Variants in NRIP1 observed in about 807,000 individuals in gnomAD.
The protein encoded by NRIP1 is nuclear receptor interacting protein 1, also known as nuclear receptor-interacting protein 1.
In NRIP1, 28 loss-of-function variants were observed where a neutral mutation model predicts 75.0. That is an observed-to-expected ratio of 0.37 (90% CI 0.28 to 0.51). The LOEUF (loss-of-function observed/expected upper bound fraction) is 0.51. NRIP1 is among the 20% of genes least tolerant of loss of function. NRIP1 has a pLI of 0.92. For synonymous variants in NRIP1, 526 were observed against 487.6 expected (o/e 1.08, Z -1.04); for missense variants, 1,435 against 1,343.7 (o/e 1.07, Z -1.06).
Position 15,033,496 on chromosome 21 carries a change from T to C in NRIP1, c.-458+9999A>G, listed in dbSNP as rs185846232. The stretch of plus-strand genomic sequence containing the variant: ...GTGTCAACTTCAATCCATTTACCCA[T>C]AAACACTACTTTGGCTGAAATGCAG... On this transcript the variant is annotated intron_variant, in intron 2 of 3. Coordinates refer to ENST00000318948, the MANE Select transcript of NRIP1 (RefSeq NM_003489.4). Among the ~76,000 whole-genome samples the C allele has an allele frequency of 2.1e-3, 320 of 152,256 alleles. 1 individual carries two copies. The highest frequency in any genetic ancestry group is 0.01 in the Middle Eastern group (3 of 294).
Position 15,017,999 on chromosome 21 carries a change from ATACT to A in NRIP1, c.-457-3537_-457-3534del, listed in dbSNP as rs141526615. On this transcript the variant is annotated intron_variant, in intron 2 of 3. Coordinates refer to ENST00000318948, the MANE Select transcript of NRIP1 (RefSeq NM_003489.4). ...CACAAAATAAACTACTCTAACATTA[ATACT>A]TAAAGTTTTCCTATATTAATAAGTG... 3.8e-4 allele frequency among the ~76,000 whole-genome samples: 58 copies of A among 152,352 alleles called. No homozygotes were observed. In the East Asian group the frequency reaches 0.01, roughly 27 times the overall value.
intron 3 of NRIP1, among the ~76,000 whole-genome samples, chr21:14,971,260 G>T (rs1239524512): frequency 6.6e-6 from 1 of 152,204 alleles, no homozygotes; most frequent in African/African-American, 2.4e-5. Flanking sequence ...GTTATTCAAT[G>T]ACCAAATTCC....
rs577436364 is a variant in NRIP1, at chr21:14,962,614, T to G, written c.*2102A>C. 6.6e-6 allele frequency: 1 copy of G among 152,408 alleles called. No homozygotes were observed. The highest frequency in any genetic ancestry group is 1.5e-5 in the Non-Finnish European group (1 of 67,902). 9.4% of individuals were successfully genotyped at this position (152,408 alleles called of 1,614,324 possible). On this transcript the variant is annotated 3_prime_UTR_variant, in exon 4 of 4. Transcript: ENST00000318948. The stretch of plus-strand genomic sequence containing the variant: ...AAAAATGACTTGTTTAAAAGCTTAT[T>G]TATATAGTGTTGACAATAAGATTGT...
At position 14,967,722 on chromosome 21, in the gene NRIP1, G is replaced by C. The variant is rs753440426; in HGVS notation, c.471C>G (p.Leu157=). 22 of 1,613,984 alleles carry C rather than the reference G, an allele frequency of 1.4e-5. No homozygotes were observed. The Admixed American group carries it at 3.0e-4, about 22-fold the overall frequency. The change falls in exon 4 of 4, where the codon CTC becomes CTG. Residue 157 remains leucine (L), a synonymous_variant. Coordinates refer to ENST00000318948, the MANE Select transcript of NRIP1 (RefSeq NM_003489.4). ...VALSQQIRQS[L]KEQGYALSHD... is the part of the protein sequence containing the mutation. Reference sequence around the variant, plus strand: ...GACTGAGGGCATATCCTTGCTCCTTGAGGCTCTGCCTGATTTGTTGTGACA... The same window carrying C: ...GACTGAGGGCATATCCTTGCTCCTTCAGGCTCTGCCTGATTTGTTGTGACA...
At chr21:15,057,057 A>G (rs2089322596) in intron 1 of NRIP1, among the ~76,000 whole-genome samples, 1 of 152,192 alleles carries the variant, frequency 6.6e-6, no homozygotes, top group Non-Finnish European at 1.5e-5. Flanking sequence ...CTCTGCTTCC[A>G]CTTCCTTCCA....
intron 1 of NRIP1, among the ~76,000 whole-genome samples, chr21:15,064,098 CA>C (rs1978605389): frequency 6.6e-6 from 1 of 152,238 alleles, no homozygotes; most frequent in Non-Finnish European, 1.5e-5. Flanking sequence ...GGAGAAAAGG[CA>C]GCCTCCCGGA....
intron 2 of NRIP1, among the ~76,000 whole-genome samples, chr21:15,028,467 A>T (rs1429956964): frequency 6.6e-6 from 1 of 152,198 alleles, no homozygotes; most frequent in Non-Finnish European, 1.5e-5. Flanking sequence ...GTTACAGAGG[A>T]AACAGTCATA....
intron 3 of NRIP1, among the ~76,000 whole-genome samples, chr21:14,998,003 C>T (rs950623423): frequency 6.6e-6 from 1 of 152,112 alleles, no homozygotes; most frequent in Non-Finnish European, 1.5e-5. Flanking sequence ...GACTTGTAAG[C>T]TTATAAACTT....
chr21:14,986,794 C>T (rs2087417791), intron 3 of NRIP1, among the ~76,000 whole-genome samples: 3 of 152,152 alleles, frequency 2.0e-5, no homozygotes, highest in South Asian at 4.1e-4. Context: ...AACATCTTAT[C>T]CTTCATAATA....
chr21:15,047,102 A>C (rs1222745069), intron 1 of NRIP1, among the ~76,000 whole-genome samples: 1 of 152,178 alleles, frequency 6.6e-6, no homozygotes, highest in Non-Finnish European at 1.5e-5. Flanking sequence ...TAAAGGAAAG[A>C]GGTTTCATTG....
At chr21:15,058,346 T>C (rs2089349322) in intron 1 of NRIP1, among the ~76,000 whole-genome samples, 1 of 152,208 alleles carries the variant, frequency 6.6e-6, no homozygotes, top group Admixed American at 6.5e-5. Context: ...TTATTTCCCA[T>C]TTGGAGAGTT....
Position 14,964,810 on chromosome 21 carries a change from T to C in NRIP1, c.3383A>G (p.His1128Arg), listed in dbSNP as rs1248712758. The change falls in exon 4 of 4, where the codon CAT becomes CGT. Residue 1128 changes from histidine (H) to arginine (R), a missense_variant. Coordinates refer to ENST00000318948, the MANE Select transcript of NRIP1 (RefSeq NM_003489.4). ...FFNLRSPYNSHMGNNASRPHS... is the reference protein window; with the variant it reads ...FFNLRSPYNSRMGNNASRPHS... ...TGGGCGAGAAGCATTATTTCCCATA[T>C]GGCTATTGTAAGGGCTTCTTAAATT... 5 of 1,612,686 alleles carry C rather than the reference T, an allele frequency of 3.1e-6. No homozygotes were observed. Among genetic ancestry groups the C allele is most frequent in the East Asian group, 2.2e-5 (1 of 44,876 alleles).
intron 3 of NRIP1, among the ~76,000 whole-genome samples, chr21:14,972,265 C>T (rs1052741988): frequency 1.3e-5 from 2 of 152,148 alleles, no homozygotes. Flanking sequence ...GGAGAAATCA[C>T]TAACAATCCT....
chr21:15,010,505 T>C (rs574704419), intron 3 of NRIP1, among the ~76,000 whole-genome samples: 5 of 152,264 alleles, frequency 3.3e-5, no homozygotes, highest in East Asian at 1.9e-4. Flanking sequence ...GTAAGTTATA[T>C]CAATTAAGAT....
upstream of NRIP1, among the ~76,000 whole-genome samples, chr21:15,065,465 G>C (rs1370269406): frequency 6.6e-6 from 1 of 152,136 alleles, no homozygotes; most frequent in Non-Finnish European, 1.5e-5. Context: ...CACAGCCTGG[G>C]GGCCGGGGCG....
At chr21:14,993,699 C>T (rs1004344788) in intron 3 of NRIP1, among the ~76,000 whole-genome samples, 10 of 151,856 alleles carry the variant, frequency 6.6e-5, no homozygotes. Context: ...ACGGAAGGAT[C>T]GCTTGATCCC....
intron 1 of NRIP1, among the ~76,000 whole-genome samples, chr21:15,055,518 T>C (rs777069596): frequency 5.9e-5 from 9 of 152,002 alleles, no homozygotes; most frequent in Non-Finnish European, 1.0e-4. Flanking sequence ...GAGAAGAAAA[T>C]AAGGTACTAG....
intron 3 of NRIP1, among the ~76,000 whole-genome samples, chr21:15,009,873 G>T (rs919141203): frequency 6.6e-6 from 1 of 152,092 alleles, no homozygotes; most frequent in Non-Finnish European, 1.5e-5. Context: ...ATAAAAGTGA[G>T]TTACTAAAAA....
At position 14,988,191 on chromosome 21, in the gene NRIP1, A is replaced by G. The variant is rs562921167; in HGVS notation, c.-334-19665T>C. On this transcript the variant is annotated intron_variant, in intron 3 of 3. Coordinates refer to ENST00000318948, the MANE Select transcript of NRIP1 (RefSeq NM_003489.4). ...AACTGTTCCGAGGCTCAGTTTTTTC[A>G]GCTGTAAAAGGAATAATAATAGTAT... The G allele has an allele frequency of 3.9e-5, 6 of 152,292 alleles. No homozygotes were observed. In the East Asian group the frequency reaches 1.2e-3, roughly 29 times the overall value. The allele number at this position is 152,292 out of a possible 1,614,324, so 9.4% of individuals were successfully genotyped here.
Sources: gnomAD v4.1 joint callset for allele counts (sites outside exome capture counted in the v4.1 genomes callset) on GRCh38, gnomAD v4.1.1 for gene constraint, MANE v1.5 for transcripts, NCBI Gene and HGNC (gene_info 2026-07-23, HGNC 2026-07-21) for gene names.